Variants in ASCC1 observed in about 807,000 individuals in gnomAD.
ASCC1 encodes the protein ASC-1 complex subunit P50.
In ASCC1, 35 loss-of-function variants were observed where a neutral mutation model predicts 46.6. The observed-to-expected ratio is 0.75, with a 90% CI of 0.57 to 0.99. The LOEUF (loss-of-function observed/expected upper bound fraction) is 0.99, where lower values mean the gene tolerates loss of function less well. Among genes scored for constraint, ASCC1 ranks in the 50% least tolerant of loss-of-function variants. The pLI is 0.00. For missense variants in ASCC1, 376 were observed against 428.7 expected (o/e 0.88, Z 1.09); for synonymous variants, 143 against 146.6 (o/e 0.98, Z 0.18).
intron 5 of ASCC1, among the ~76,000 whole-genome samples, chr10:72,191,836 C>T (rs760001931): frequency 4.0e-5 from 6 of 151,676 alleles, no homozygotes; most frequent in African/African-American, 9.7e-5. Context: ...TTAGTAGAGA[C>T]GGGGCTTCAC....
chr10:72,132,848 C>G (rs968224915), intron 8 of ASCC1, among the ~76,000 whole-genome samples: 6 of 152,054 alleles, frequency 3.9e-5, no homozygotes, highest in Non-Finnish European at 8.8e-5. Context: ...ATATGGCAAT[C>G]CTATGTGTGA....
intron 9 of ASCC1, among the ~76,000 whole-genome samples, chr10:72,107,005 G>A (rs1219330256): frequency 6.6e-6 from 1 of 152,130 alleles, no homozygotes; most frequent in East Asian, 1.9e-4. Flanking sequence ...CAAAGAATGA[G>A]GAGCAAATGA....
chr10:72,103,361 T>C (rs1842008641), intron 9 of ASCC1, among the ~76,000 whole-genome samples: 1 of 151,370 alleles, frequency 6.6e-6, no homozygotes, highest in Admixed American at 6.6e-5. Context: ...CTCGATCTCC[T>C]GACCTCGTGA....
At chr10:72,102,419 C>A in intron 9 of ASCC1, 1 of 1,548,854 alleles carries the variant, frequency 6.5e-7, no homozygotes, top group Non-Finnish European at 8.7e-7. Flanking sequence ...ACACCTGTAG[C>A]ACAGTTAAGT....
rs34531262 is a variant in ASCC1, at chr10:72,114,623, C to CA, written c.957+13458dup. On this transcript the variant is annotated intron_variant, in intron 9 of 9. Transcript: ENST00000672957. ...TGGGTGACAGAGTGAGACTCCGTCT[C>CA]AAAAAAAAAAAAAAAAAAAGAAACA... is the stretch of plus-strand genomic sequence containing the variant. Among the ~76,000 whole-genome samples the CA allele has an allele frequency of 6.4e-3, 599 of 94,250 alleles. 5 individuals are homozygous for CA. Among genetic ancestry groups the CA allele is most frequent in the South Asian group, 0.02 (60 of 2,958 alleles). 61.8% of individuals were successfully genotyped at this position (94,250 alleles called of 152,430 possible). A position where few individuals can be genotyped will look rare whatever the true frequency, so the allele number is the denominator to read the frequency against.
chr10:72,164,786 T>C (rs896059773), intron 5 of ASCC1, among the ~76,000 whole-genome samples: 5 of 152,202 alleles, frequency 3.3e-5, no homozygotes, highest in African/African-American at 9.7e-5. Flanking sequence ...ACATCTTCAC[T>C]GACACTTGCT....
At chr10:72,161,452 C>A (rs1357264295) in intron 6 of ASCC1, 86 bp downstream of exon 6, 7 of 1,557,448 alleles carry the variant, frequency 4.5e-6, no homozygotes, top group East Asian at 2.2e-5. Context: ...ATGTTATACA[C>A]CCTCTGGTTC....
chr10:72,162,110 G>A (rs71479433), intron 5 of ASCC1, among the ~76,000 whole-genome samples: 4 of 151,904 alleles, frequency 2.6e-5, no homozygotes, highest in East Asian at 1.9e-4. Flanking sequence ...TCTAGTATCC[G>A]GAATATATAA....
chr10:72,108,075 T>TC (rs1186104239), intron 9 of ASCC1, among the ~76,000 whole-genome samples: 1 of 150,172 alleles, frequency 6.7e-6, no homozygotes, highest in Non-Finnish European at 1.5e-5. Flanking sequence ...TTTTTCTTTT[T>TC]CTTTTTTTTT....
intron 8 of ASCC1, among the ~76,000 whole-genome samples, chr10:72,130,999 T>C (rs1276243675): frequency 1.3e-5 from 2 of 152,222 alleles, no homozygotes; most frequent in Non-Finnish European, 2.9e-5. Flanking sequence ...AAAATTAAAA[T>C]ACACTGTTCA....
intron 7 of ASCC1, among the ~76,000 whole-genome samples, chr10:72,144,041 G>C (rs557294271): frequency 6.6e-6 from 1 of 150,548 alleles, no homozygotes; most frequent in East Asian, 2.0e-4. Flanking sequence ...GCCCACACGT[G>C]ATCTTGGCTC....
At chr10:72,190,140 G>C in intron 5 of ASCC1, 2 of 761,752 alleles carry the variant, frequency 2.6e-6, no homozygotes, top group Non-Finnish European at 4.8e-6. Context: ...ATTCATGTTC[G>C]CTGTGGTGGC....
intron 5 of ASCC1, among the ~76,000 whole-genome samples, chr10:72,178,489 G>C (rs762596162): frequency 1.6e-4 from 24 of 152,202 alleles, no homozygotes; most frequent in Non-Finnish European, 2.1e-4. Context: ...AGCCAGAGCA[G>C]TCACGTGTCA....
chr10:72,172,909 T>G (rs1471179102), intron 5 of ASCC1, among the ~76,000 whole-genome samples: 1 of 132,118 alleles, frequency 7.6e-6, no homozygotes, highest in African/African-American at 2.8e-5. Flanking sequence ...TTATATATTA[T>G]ATTTTTATAT....
At position 72,119,411 on chromosome 10, in the gene ASCC1, G is replaced by A. The variant is rs1348564742; in HGVS notation, c.957+8671C>T. 3.3e-5 allele frequency among the ~76,000 whole-genome samples: 5 copies of A among 152,190 alleles called. No homozygotes were observed. In the East Asian group the frequency reaches 9.6e-4, roughly 29 times the overall value. On this transcript the variant is annotated intron_variant, in intron 9 of 9. Coordinates refer to ENST00000672957, the MANE Select transcript of ASCC1 (RefSeq NM_001198800.3). Reference sequence around the variant, plus strand: ...GCCCCCTCTAGCCATCCACAGTGGGGAAGAGAAATATCCAGCCCTAGTGGG... The same window carrying A: ...GCCCCCTCTAGCCATCCACAGTGGGAAAGAGAAATATCCAGCCCTAGTGGG...
In ASCC1 at chr10:72,177,922, A is replaced by G. The variant is rs539695336; in HGVS notation, c.490-16248T>C. ...TAAATACTCAAGATTAGGGAACTGAAGCACAGGGATGATAGTGATAATGTC... is the reference window on the plus strand; with the variant it reads ...TAAATACTCAAGATTAGGGAACTGAGGCACAGGGATGATAGTGATAATGTC... On this transcript the variant is annotated intron_variant, in intron 5 of 9. Coordinates refer to ENST00000672957, the MANE Select transcript of ASCC1 (RefSeq NM_001198800.3). Among the ~76,000 whole-genome samples the G allele has an allele frequency of 5.9e-5, 9 of 152,340 alleles. No homozygotes were observed. The South Asian group carries it at 1.9e-3, about 32-fold the overall frequency.
chr10:72,166,228 C>T (rs1758960166), intron 5 of ASCC1, among the ~76,000 whole-genome samples: 1 of 152,140 alleles, frequency 6.6e-6, no homozygotes, highest in Admixed American at 6.5e-5. Flanking sequence ...ACAGCTCACT[C>T]AATAAATGGA....
chr10:72,204,541 A>G, intron 3 of ASCC1: 1 of 1,549,788 alleles, frequency 6.5e-7, no homozygotes. Context: ...CAGAGTCTAT[A>G]AAGCACTAAG....
At chr10:72,173,200 T>G (rs776860266) in intron 5 of ASCC1, among the ~76,000 whole-genome samples, 1 of 151,778 alleles carries the variant, frequency 6.6e-6, no homozygotes, top group Non-Finnish European at 1.5e-5. Context: ...GCCTAATGGT[T>G]TAAAATTCCC....
Sources: gnomAD v4.1 joint callset for allele counts (sites outside exome capture counted in the v4.1 genomes callset) on GRCh38, gnomAD v4.1.1 for gene constraint, MANE v1.5 for transcripts, NCBI Gene and HGNC (gene_info 2026-07-23, HGNC 2026-07-21) for gene names.